The following PIKFYVE variants were observed in gnomAD, a reference collection of about 807,000 sequenced individuals.
The protein encoded by PIKFYVE is 1-phosphatidylinositol 3-phosphate 5-kinase.
PIKFYVE carries 122 observed loss-of-function variants against 257.9 expected under a neutral mutation model. The observed-to-expected ratio is 0.47, with a 90% CI of 0.41 to 0.55. PIKFYVE has a LOEUF of 0.55. PIKFYVE is among the 20% of genes least tolerant of loss of function. The pLI, the probability that PIKFYVE is intolerant of heterozygous loss-of-function variation, is 0.00. For missense variants in PIKFYVE, 2,160 were observed against 2,536.6 expected, an observed-to-expected ratio of 0.85 and a Z score of 3.19; for synonymous variants, 892 against 868.9, an observed-to-expected ratio of 1.03 and a Z score of -0.47.
At position 208,304,873 on chromosome 2, in the gene PIKFYVE, C is replaced by T. The variant is rs376519927; in HGVS notation, c.1496C>T (p.Ser499Leu). The T allele has an allele frequency of 2.5e-5, 40 of 1,614,076 alleles. No homozygotes were observed. The highest frequency in any genetic ancestry group is 5.3e-5 in the African/African-American group (4 of 74,938). The change falls in exon 12 of 42, where the codon TCA becomes TTA. Residue 499 changes from serine to leucine, a missense_variant. Transcript: ENST00000264380. ...ANSASPSKRT[S>L]VSSFQSTVDS... ...TCTGCCAGTCCTAGCAAGCGCACATCAGTCAGCAGTTTCCAGTCCACAGTG... is the reference window on the plus strand; with the variant it reads ...TCTGCCAGTCCTAGCAAGCGCACATTAGTCAGCAGTTTCCAGTCCACAGTG...
chr2:208,285,781 C>T lies in PIKFYVE; in HGVS notation c.669C>T (p.Ser223=), dbSNP rs767756162. The T allele has an allele frequency of 3.1e-6, 5 of 1,613,806 alleles. No homozygotes were observed. The highest frequency in any genetic ancestry group is 3.4e-6 in the Non-Finnish European group (4 of 1,179,950). ...CRKIALSYAH[S]TDSNSIGEDL... ...AAATAGCCTTAAGTTATGCTCATTC[C>T]ACAGACAGTAATTCTATTGGGGAAG... The change falls in exon 6 of 42, where the codon TCC becomes TCT. Residue 223 remains serine, a synonymous_variant. Transcript: ENST00000264380.
intron 12 of PIKFYVE, among the ~76,000 whole-genome samples, chr2:208,308,353 A>G (rs1694579157): frequency 6.6e-6 from 1 of 151,238 alleles, no homozygotes; most frequent in Non-Finnish European, 1.5e-5. Context: ...GTGAGCGATG[A>G]TTTTGCCACT....
rs1473415148 is a variant in PIKFYVE at position 208,358,487 on chromosome 2, T to C, written c.*3182T>C. 1 of 152,600 alleles carries C rather than the reference T, an allele frequency of 6.6e-6. No individual in the cohort carries two copies. The highest frequency in any genetic ancestry group is 1.5e-5 in the Non-Finnish European group (1 of 68,034). 9.5% of individuals were successfully genotyped at this position (152,600 alleles called of 1,614,324 possible). A position where few individuals can be genotyped will look rare whatever the true frequency, so the allele number is the denominator to read the frequency against. ...AGTTTTAATACTGCTGTGTCAGTTT[T>C]GTAAAAAATGTACATTATGTCTTTT... is the stretch of plus-strand genomic sequence containing the variant. On this transcript the variant is annotated 3_prime_UTR_variant, in exon 42 of 42. Transcript: ENST00000264380.
intron 41 of PIKFYVE, 31 bp downstream of exon 41, chr2:208,354,676 A>G (rs1700048585): frequency 6.5e-7 from 1 of 1,544,796 alleles, no homozygotes; most frequent in Non-Finnish European, 8.9e-7. Context: ...TAAATTGTTC[A>G]CATGTATTTC....
intron 15 of PIKFYVE, among the ~76,000 whole-genome samples, chr2:208,315,756 T>A (rs1469645856): frequency 6.6e-6 from 1 of 152,154 alleles, no homozygotes; most frequent in African/African-American, 2.4e-5. Context: ...TCGTGGCCTG[T>A]GGGCTGCATG....
Position 208,326,282 on chromosome 2 carries a change from C to T in PIKFYVE, c.3471C>T (p.Ala1157=). ...SLGRMLADYR[A]RGGRIQPKNS... ...GTAGAATGCTGGCCGATTATCGAGC[C>T]AGAGGAGGAAGAATTCAGCCCAAAA... Residue 1157 remains alanine, a synonymous_variant, in exon 20 of 42, where the codon GCC becomes GCT. Coordinates refer to ENST00000264380, the MANE Select transcript of PIKFYVE (RefSeq NM_015040.4). 6.3e-7 allele frequency: 1 copy of T among 1,598,372 alleles called. No individual in the cohort carries two copies. Among genetic ancestry groups the T allele is most frequent in the Non-Finnish European group, 8.5e-7 (1 of 1,171,988 alleles).
chr2:208,338,712 A>G (rs1698413279), intron 29 of PIKFYVE, 144 bp downstream of exon 29: 2 of 756,984 alleles, frequency 2.6e-6, no homozygotes, highest in Admixed American at 2.1e-5. Flanking sequence ...TTGTAATCCT[A>G]TCAGATTAAG....
chr2:208,347,279 C>G (rs1699319759), intron 34 of PIKFYVE, among the ~76,000 whole-genome samples: 1 of 152,140 alleles, frequency 6.6e-6, no homozygotes, highest in Non-Finnish European at 1.5e-5. Flanking sequence ...GAATGAAGCT[C>G]AAAACTAGGA....
rs1311268473 is a variant in PIKFYVE at position 208,354,170 on chromosome 2, G to GAGT, written c.6106+13_6106+15dup. ...TAGTTGGAATTATAGGTAAGTCAAT[G>GAGT]AGTACCCTGCTTATATTTCATGATT... On this transcript the variant is annotated intron_variant, in intron 40 of 41. Coordinates refer to ENST00000264380, the MANE Select transcript of PIKFYVE (RefSeq NM_015040.4). 1 of 1,611,082 alleles carries GAGT rather than the reference G, an allele frequency of 6.2e-7. No homozygotes were observed. Among genetic ancestry groups the GAGT allele is most frequent in the Non-Finnish European group, 8.5e-7 (1 of 1,179,432 alleles).
At chr2:208,301,553 A>AT (rs1276967857) in intron 9 of PIKFYVE, among the ~76,000 whole-genome samples, 3 of 152,232 alleles carry the variant, frequency 2.0e-5, no homozygotes, top group African/African-American at 7.2e-5. Context: ...AGCTTTTACT[A>AT]TTTTCTCAGA....
chr2:208,281,283 G>A (rs892241383), intron 5 of PIKFYVE, among the ~76,000 whole-genome samples: 11 of 152,174 alleles, frequency 7.2e-5, no homozygotes, highest in African/African-American at 2.7e-4. Flanking sequence ...CTATGTTTCA[G>A]CCAGTCATCT....
At chr2:208,304,467 T>TA in intron 11 of PIKFYVE, 149 bp downstream of exon 11, 1 of 1,132,316 alleles carries the variant, frequency 8.8e-7, no homozygotes. Context: ...TTGTCTTAGA[T>TA]ACAGTATTTT....
At chr2:208,316,332 A>G (rs562780428) in intron 15 of PIKFYVE, among the ~76,000 whole-genome samples, 1 of 152,254 alleles carries the variant, frequency 6.6e-6, no homozygotes, top group Non-Finnish European at 1.5e-5. Context: ...GCCGCAATAA[A>G]CATAATGTGT....
rs183453894 is a variant in PIKFYVE, at chr2:208,306,226, A to T, written c.1636+1213A>T. Among the ~76,000 whole-genome samples, 227 of 151,334 alleles carry T rather than the reference A, an allele frequency of 1.5e-3. 1 individual carries two copies. Among genetic ancestry groups the T allele is most frequent in the African/African-American group, 5.2e-3 (212 of 40,602 alleles). Reference sequence around the variant, plus strand: ...GACTAGCATTGAACATGAGTAAGATAGACATCTTTATGGAAATCCTCAAAA... The same window carrying T: ...GACTAGCATTGAACATGAGTAAGATTGACATCTTTATGGAAATCCTCAAAA... On this transcript the variant is annotated intron_variant, in intron 12 of 41. Transcript: ENST00000264380.
At chr2:208,305,484 A>C in intron 12 of PIKFYVE, 1 of 910,006 alleles carries the variant, frequency 1.1e-6, no homozygotes, top group Non-Finnish European at 1.3e-6. Flanking sequence ...ATATCTCCAT[A>C]ATAATTCATA....
chr2:208,336,113 A>G lies in PIKFYVE; in HGVS notation c.4433A>G (p.Asp1478Gly), dbSNP rs1463453168. 1 of 1,614,068 alleles carries G rather than the reference A, an allele frequency of 6.2e-7. No homozygotes were observed. Reference protein sequence around the residue: ...MQARLMSSSVDTPQQLQSVFE... With the variant: ...MQARLMSSSVGTPQQLQSVFE... ...GCAAGGCTCATGTCTTCCTCTGTAGATACCCCTCAGCAACTGCAGTCGGTC... is the reference window on the plus strand; with the variant it reads ...GCAAGGCTCATGTCTTCCTCTGTAGGTACCCCTCAGCAACTGCAGTCGGTC... The change falls in exon 27 of 42, where the codon GAT (aspartate) becomes GGT (glycine). Residue 1478 changes from aspartate to glycine, a missense_variant. This residue lies in a region of PIKFYVE where 699 missense variants were observed against 855.8 expected (regional missense o/e 0.82). Transcript: ENST00000264380.
At chr2:208,299,299 A>AT (rs949941836) in intron 8 of PIKFYVE, among the ~76,000 whole-genome samples, 5 of 147,698 alleles carry the variant, frequency 3.4e-5, no homozygotes, top group African/African-American at 7.8e-5. Context: ...TATTATTATT[A>AT]TTTTTTTTGG....
intron 34 of PIKFYVE, among the ~76,000 whole-genome samples, chr2:208,346,388 C>G (rs1699236646): frequency 1.3e-5 from 2 of 152,056 alleles, no homozygotes; most frequent in South Asian, 4.1e-4. Flanking sequence ...GCTCTTTGGT[C>G]TATGCAAAAA....
intron 38 of PIKFYVE, among the ~76,000 whole-genome samples, chr2:208,352,174 T>C (rs1035865135): frequency 6.6e-6 from 1 of 152,174 alleles, no homozygotes; most frequent in African/African-American, 2.4e-5. Context: ...TAGTTGGTAA[T>C]TTTGCTGAGA....
Sources: allele counts gnomAD v4.1 joint callset (sites outside exome capture counted in the v4.1 genomes callset), GRCh38; gene constraint gnomAD v4.1.1; regional missense constraint gnomAD v4.1.1; transcripts MANE v1.5; gene names NCBI Gene and HGNC (gene_info 2026-07-23, HGNC 2026-07-21).